The following KCNIP1 variants were observed in gnomAD, a reference collection of about 807,000 sequenced individuals.
KCNIP1 encodes the protein A-type potassium channel modulatory protein KCNIP1.
In KCNIP1, 18 loss-of-function variants were observed where a neutral mutation model predicts 33.0. That is an observed-to-expected ratio of 0.55 (90% CI 0.38 to 0.81). KCNIP1 has a LOEUF of 0.81. Among genes scored for constraint, KCNIP1 ranks in the 30% least tolerant of loss-of-function variants. The pLI, the probability that KCNIP1 is intolerant of heterozygous loss-of-function variation, is 0.00. For synonymous variants in KCNIP1, 93 were observed against 98.3 expected (o/e 0.95, Z 0.32); for missense variants, 238 against 271.6 (o/e 0.88, Z 0.87).
intron 1 of KCNIP1, among the ~76,000 whole-genome samples, chr5:170,494,374 G>T (rs374029463): frequency 6.6e-6 from 1 of 152,128 alleles, no homozygotes; most frequent in Non-Finnish European, 1.5e-5. Flanking sequence ...AAAAGAACTC[G>T]GCTTGAAGGA....
At chr5:170,634,252 A>C (rs1308204939) in intron 1 of KCNIP1, among the ~76,000 whole-genome samples, 1 of 152,112 alleles carries the variant, frequency 6.6e-6, no homozygotes, top group South Asian at 2.1e-4. Flanking sequence ...TGGCTGGGAG[A>C]TATCTAAGTG....
chr5:170,616,518 G>T (rs1759376781), intron 1 of KCNIP1, among the ~76,000 whole-genome samples: 1 of 152,206 alleles, frequency 6.6e-6, no homozygotes, highest in Admixed American at 6.5e-5. Context: ...TTGGAAGGAA[G>T]GCCTTGCAGG....
At chr5:170,594,340 T>C (rs906194133) in intron 1 of KCNIP1, among the ~76,000 whole-genome samples, 2 of 152,114 alleles carry the variant, frequency 1.3e-5, no homozygotes, top group African/African-American at 2.4e-5. Context: ...ATCTTGGGTA[T>C]GTCTGTCCTC....
At chr5:170,600,394 G>GT (rs373965628) in intron 1 of KCNIP1, among the ~76,000 whole-genome samples, 4 of 152,008 alleles carry the variant, frequency 2.6e-5, no homozygotes, top group East Asian at 1.9e-4. Context: ...TTCCTTTTTT[G>GT]TTTTTTTCTC....
chr5:170,598,815 T>C (rs962416336), intron 1 of KCNIP1, among the ~76,000 whole-genome samples: 1 of 152,030 alleles, frequency 6.6e-6, no homozygotes, highest in African/African-American at 2.4e-5. Flanking sequence ...TCATCATAGA[T>C]GCCAAAGCTG....
chr5:170,646,467 A>G (rs1367706714), intron 1 of KCNIP1, among the ~76,000 whole-genome samples: 3 of 152,198 alleles, frequency 2.0e-5, no homozygotes, highest in Non-Finnish European at 4.4e-5. Flanking sequence ...AACCCATCAC[A>G]TCAACAGGCT....
chr5:170,726,208 A>G (rs962518435), intron 5 of KCNIP1, among the ~76,000 whole-genome samples: 1 of 152,238 alleles, frequency 6.6e-6, no homozygotes, highest in Non-Finnish European at 1.5e-5. Context: ...TATATACCAG[A>G]TATATAAAGA....
intron 1 of KCNIP1, among the ~76,000 whole-genome samples, chr5:170,448,794 A>G (rs959385654): frequency 2.0e-5 from 3 of 152,160 alleles, no homozygotes; most frequent in African/African-American, 7.2e-5. Flanking sequence ...ACTCGTTTCC[A>G]TATCTTCTTT....
chr5:170,581,406 G>A (rs1757790862), intron 1 of KCNIP1, among the ~76,000 whole-genome samples: 1 of 152,218 alleles, frequency 6.6e-6, no homozygotes, highest in African/African-American at 2.4e-5. Flanking sequence ...TTCTCATCCA[G>A]CAGTGACAAA....
intron 1 of KCNIP1, among the ~76,000 whole-genome samples, chr5:170,564,173 C>T (rs899076594): frequency 3.3e-5 from 5 of 152,278 alleles, no homozygotes; most frequent in Admixed American, 1.3e-4. Context: ...CTTATGTTAT[C>T]ATTTTTAATT....
At chr5:170,469,830 T>G (rs1756684258) in intron 1 of KCNIP1, among the ~76,000 whole-genome samples, 1 of 152,246 alleles carries the variant, frequency 6.6e-6, no homozygotes, top group African/African-American at 2.4e-5. Flanking sequence ...AGTTTTCTGA[T>G]GACCTGACTT....
At chr5:170,491,001 C>G (rs901877195) in intron 1 of KCNIP1, among the ~76,000 whole-genome samples, 1 of 152,238 alleles carries the variant, frequency 6.6e-6, no homozygotes, top group Non-Finnish European at 1.5e-5. Context: ...AGCCCTAATA[C>G]AGTTGGCCCT....
intron 1 of KCNIP1, chr5:170,353,976 G>A: frequency 1.2e-6 from 2 of 1,612,348 alleles, no homozygotes; most frequent in Non-Finnish European, 1.7e-6. Flanking sequence ...TATGGAAACT[G>A]GCCTTGACCC....
chr5:170,516,104 C>T (rs1755110762), intron 1 of KCNIP1, among the ~76,000 whole-genome samples: 1 of 152,176 alleles, frequency 6.6e-6, no homozygotes, highest in Non-Finnish European at 1.5e-5. Context: ...CAGAGTCAGG[C>T]TGTCCATGTT....
chr5:170,566,621 T>C (rs1296690917), intron 1 of KCNIP1, among the ~76,000 whole-genome samples: 1 of 152,228 alleles, frequency 6.6e-6, no homozygotes, highest in Non-Finnish European at 1.5e-5. Flanking sequence ...CCTCGTAGTC[T>C]ACATTGATAG....
At chr5:170,598,902 CGCGTGTGT>C (rs1258959808) in intron 1 of KCNIP1, among the ~76,000 whole-genome samples, 77 of 50,448 alleles carry the variant, frequency 1.5e-3, no homozygotes, top group African/African-American at 5.7e-3. Context: ...TGTGTGTGTG[CGCGTGTGT>C]GTGTGTGTGT....
At chr5:170,709,229 C>T (rs889361472) in intron 1 of KCNIP1, among the ~76,000 whole-genome samples, 1 of 152,270 alleles carries the variant, frequency 6.6e-6, no homozygotes, top group East Asian at 1.9e-4. Context: ...TTATCAGCTG[C>T]TGAAAGAGGT....
chr5:170,380,684 G>A (rs1231498689), intron 1 of KCNIP1, among the ~76,000 whole-genome samples: 2 of 152,248 alleles, frequency 1.3e-5, no homozygotes, highest in East Asian at 3.8e-4. Flanking sequence ...CAGGTCCTCA[G>A]TAGCATATAA....
intron 1 of KCNIP1, among the ~76,000 whole-genome samples, chr5:170,523,969 G>T (rs577675120): frequency 6.6e-6 from 1 of 152,268 alleles, no homozygotes; most frequent in South Asian, 2.1e-4. Flanking sequence ...TACAGCAGAT[G>T]TGTCTTGGCT....
Sources: allele counts gnomAD v4.1 joint callset (sites outside exome capture counted in the v4.1 genomes callset), GRCh38; gene constraint gnomAD v4.1.1; transcripts MANE v1.5; gene names NCBI Gene and HGNC (gene_info 2026-07-23, HGNC 2026-07-21).